The following GCFC2 variants were observed in gnomAD, a reference collection of about 807,000 sequenced individuals.
GCFC2 encodes the protein intron Large complex component GCFC2.
Under a neutral mutation model 99.4 loss-of-function variants are expected in GCFC2, and 102 were observed. That is an observed-to-expected ratio of 1.03 (90% CI 0.87 to 1.21). GCFC2 has a LOEUF of 1.21. GCFC2 is among the 50% of genes most tolerant of loss of function. GCFC2 has a pLI of 0.00. For synonymous variants in GCFC2, 338 were observed against 316.8 expected, an observed-to-expected ratio of 1.07 and a Z score of -0.71; for missense variants, 973 against 920.9, an observed-to-expected ratio of 1.06 and a Z score of -0.73.
chr2:75,678,033 T>G (rs1023712721), intron 12 of GCFC2, among the ~76,000 whole-genome samples: 2 of 150,972 alleles, frequency 1.3e-5, no homozygotes, highest in Non-Finnish European at 2.9e-5. Flanking sequence ...AGGGCTTCAG[T>G]GATCACAAAG....
In GCFC2 at chr2:75,664,658, A is replaced by G. The variant is rs753483316; in HGVS notation, c.*8T>C. ...ATTAAAATTTTAGCATTTTCCAATA[A>G]AGTTTATTCAATCTTCTTTAATTAG... On this transcript the variant is annotated 3_prime_UTR_variant, in exon 17 of 17. Coordinates refer to ENST00000321027, the MANE Select transcript of GCFC2 (RefSeq NM_003203.5). 25 of 1,182,114 alleles carry G rather than the reference A, an allele frequency of 2.1e-5. No homozygotes were observed. The Admixed American group carries it at 3.2e-4, about 15-fold the overall frequency. The allele number at this position is 1,182,114 out of a possible 1,614,324, so 73.2% of individuals were successfully genotyped here.
intron 1 of GCFC2, among the ~76,000 whole-genome samples, chr2:75,708,213 A>G (rs1680958128): frequency 6.6e-6 from 1 of 152,208 alleles, no homozygotes; most frequent in Admixed American, 6.5e-5. Context: ...AGAGATTTCA[A>G]GTGAAAATTG....
At chr2:75,702,021 T>C (rs1269102619) in intron 3 of GCFC2, 178 bp downstream of exon 3, 1 of 1,406,066 alleles carries the variant, frequency 7.1e-7, no homozygotes, top group Non-Finnish European at 9.2e-7. Context: ...TCCTTGATAA[T>C]AACATTTTGA....
chr2:75,697,409 C>T (rs1314090607), intron 4 of GCFC2, among the ~76,000 whole-genome samples: 2 of 152,226 alleles, frequency 1.3e-5, no homozygotes, highest in Non-Finnish European at 2.9e-5. Flanking sequence ...TGATATTTTG[C>T]AGTCAATAAC....
At position 75,702,430 on chromosome 2, in the gene GCFC2, G is replaced by T. The variant is rs746270650; in HGVS notation, c.395-7C>A. ...GCTGCATCTGGGATCTTAACTGAAG[G>T]AAACAAAGACGAGGACACTAAAAAC... is the stretch of plus-strand genomic sequence containing the variant. On this transcript the variant is annotated splice_polypyrimidine_tract_variant and splice_region_variant and intron_variant, in intron 2 of 16. Transcript: ENST00000321027. The T allele has an allele frequency of 1.9e-5, 31 of 1,607,690 alleles. No individual in the cohort carries two copies. Among genetic ancestry groups the T allele is most frequent in the Non-Finnish European group, 2.5e-5 (29 of 1,176,268 alleles).
At chr2:75,681,999 G>A (rs1194511840) in intron 11 of GCFC2, among the ~76,000 whole-genome samples, 1 of 151,918 alleles carries the variant, frequency 6.6e-6, no homozygotes, top group Non-Finnish European at 1.5e-5. Context: ...CTGGGGAAAG[G>A]GGTGGCTGTG....
At chr2:75,673,124 C>A (rs980469601) in intron 13 of GCFC2, among the ~76,000 whole-genome samples, 1 of 151,884 alleles carries the variant, frequency 6.6e-6, no homozygotes, top group Non-Finnish European at 1.5e-5. Context: ...TCCTGGCTAA[C>A]ATGGTGAAAC....
At chr2:75,665,134 C>T (rs971256931) in intron 16 of GCFC2, among the ~76,000 whole-genome samples, 2 of 151,630 alleles carry the variant, frequency 1.3e-5, no homozygotes, top group Non-Finnish European at 2.9e-5. Flanking sequence ...ATGACATTAG[C>T]AAATAATACA....
At chr2:75,678,230 C>T (rs1312401635) in intron 12 of GCFC2, among the ~76,000 whole-genome samples, 1 of 152,054 alleles carries the variant, frequency 6.6e-6, no homozygotes, top group East Asian at 1.9e-4. Flanking sequence ...TATAACTAAA[C>T]AATACTATAT....
intron 14 of GCFC2, 176 bp from the exon 15 acceptor site, chr2:75,670,460 T>G (rs114330657): frequency 2.1e-6 from 1 of 478,548 alleles, no homozygotes; most frequent in South Asian, 3.3e-5. Context: ...CCAAACTCCA[T>G]GTATTTGCTC....
At chr2:75,711,608 G>A (rs1388134934), upstream of GCFC2, among the ~76,000 whole-genome samples, 1 of 152,232 alleles carries the variant, frequency 6.6e-6, no homozygotes, top group Non-Finnish European at 1.5e-5. Flanking sequence ...CATATTGAGA[G>A]GTGACAGCGG....
chr2:75,689,787 T>C (rs1390697376), intron 9 of GCFC2, among the ~76,000 whole-genome samples, 182 bp downstream of exon 9: 4 of 152,162 alleles, frequency 2.6e-5, no homozygotes, highest in Non-Finnish European at 5.9e-5. Flanking sequence ...CAATGTTCCT[T>C]CCTTCATTTT....
intron 15 of GCFC2, among the ~76,000 whole-genome samples, 173 bp from the exon 16 acceptor site, chr2:75,666,226 A>T (rs1467166269): frequency 6.6e-6 from 1 of 152,200 alleles, no homozygotes; most frequent in Non-Finnish European, 1.5e-5. Flanking sequence ...TATATTTTGG[A>T]ATTCATTCTT....
intron 1 of GCFC2, 150 bp from the exon 2 acceptor site, chr2:75,706,801 T>A (rs1680890888): frequency 2.1e-6 from 1 of 467,494 alleles, no homozygotes; most frequent in African/African-American, 2.0e-5. Context: ...CCTCCAACTT[T>A]CTTTCTTAAG....
In GCFC2 at chr2:75,679,934, G is replaced by T. The variant is rs73936784; in HGVS notation, c.1812+259C>A. The T allele has an allele frequency of 2.4e-3, 1,020 of 428,754 alleles. 7 individuals are homozygous for T. The highest frequency in any genetic ancestry group is 0.018 in the African/African-American group (888 of 49,168). 26.6% of individuals were successfully genotyped at this position (428,754 alleles called of 1,614,324 possible). A position where few individuals can be genotyped will look rare whatever the true frequency, so the allele number is the denominator to read the frequency against. ...TAAAATGATTACCACTCCTATCACA[G>T]TGTTGAGAAGTATCAAGGTATATTC... On this transcript the variant is annotated intron_variant, in intron 12 of 16. Transcript: ENST00000321027.
chr2:75,682,436 C>A lies in GCFC2; in HGVS notation c.1691-2122G>T, dbSNP rs534552274. ...AAGGATGTACCCTAAGAGACCCCAT[C>A]TGAAGGTCACCAACATCAAAGACCA... is the stretch of plus-strand genomic sequence containing the variant. On this transcript the variant is annotated intron_variant, in intron 11 of 16. Coordinates refer to ENST00000321027, the MANE Select transcript of GCFC2 (RefSeq NM_003203.5). Among the ~76,000 whole-genome samples the A allele has an allele frequency of 7.6e-4, 116 of 152,014 alleles. 4 individuals are homozygous for A. The highest frequency in any genetic ancestry group is 2.8e-3 in the African/African-American group (115 of 41,290).
chr2:75,669,425 T>G (rs1472780807), intron 15 of GCFC2, among the ~76,000 whole-genome samples: 1 of 152,192 alleles, frequency 6.6e-6, no homozygotes, highest in Non-Finnish European at 1.5e-5. Flanking sequence ...TTTTTCAAAT[T>G]TATTACTTTT....
intron 12 of GCFC2, 111 bp from the exon 13 acceptor site, chr2:75,673,631 G>C (rs79539098): frequency 1.6e-6 from 1 of 626,514 alleles, no homozygotes; most frequent in South Asian, 1.9e-5. Flanking sequence ...ATAACCAGCT[G>C]TTAAAATAAC....
intron 5 of GCFC2, among the ~76,000 whole-genome samples, chr2:75,695,863 A>G (rs1680291957): frequency 6.6e-6 from 1 of 152,212 alleles, no homozygotes; most frequent in East Asian, 1.9e-4. Flanking sequence ...CCTGGGCAGG[A>G]TGAAGCAGGG....
Sources: gnomAD v4.1 joint callset for allele counts (sites outside exome capture counted in the v4.1 genomes callset) on GRCh38, gnomAD v4.1.1 for gene constraint, MANE v1.5 for transcripts, NCBI Gene and HGNC (gene_info 2026-07-23, HGNC 2026-07-21) for gene names.